Variants in EYS observed in about 807,000 individuals in gnomAD.
EYS encodes EGF-like photoreceptor maintenance factor.
A neutral mutation model predicts 282.1 loss-of-function variants in EYS; 250 were observed. The observed-to-expected ratio is 0.89, with a 90% CI of 0.80 to 0.98. The LOEUF (loss-of-function observed/expected upper bound fraction) is 0.98. EYS is among the 50% of genes least tolerant of loss of function. EYS has a pLI of 0.00. For missense variants in EYS, 4,016 were observed against 3,709.0 expected (o/e 1.08, Z -2.15); for synonymous variants, 1,355 against 1,282.9 (o/e 1.06, Z -1.20).
intron 26 of EYS, among the ~76,000 whole-genome samples, chr6:64,454,865 A>T (rs1340616306): frequency 6.6e-6 from 1 of 152,154 alleles, no homozygotes; most frequent in Non-Finnish European, 1.5e-5. Context: ...TCTCCCTTAT[A>T]TGACGACTTC....
chr6:63,983,996 A>G (rs1767229434), intron 35 of EYS, among the ~76,000 whole-genome samples: 1 of 151,564 alleles, frequency 6.6e-6, no homozygotes, highest in Non-Finnish European at 1.5e-5. Context: ...AGATGAGTAA[A>G]AAACAAATAT....
At chr6:64,907,299 C>T (rs1050947025) in intron 16 of EYS, among the ~76,000 whole-genome samples, 1 of 152,100 alleles carries the variant, frequency 6.6e-6, no homozygotes, top group African/African-American at 2.4e-5. Context: ...ATCCTCCTGC[C>T]TTAGTCTCCC....
chr6:64,573,321 CT>C (rs1324279887), intron 26 of EYS, among the ~76,000 whole-genome samples: 2 of 152,076 alleles, frequency 1.3e-5, no homozygotes, highest in African/African-American at 2.4e-5. Flanking sequence ...CATAAAAACC[CT>C]AGAAGAAAAC....
intron 12 of EYS, among the ~76,000 whole-genome samples, chr6:65,120,150 T>G (rs1581927102): frequency 1.4e-5 from 1 of 70,424 alleles, no homozygotes; most frequent in Admixed American, 1.4e-4. Flanking sequence ...AGACTCCGTC[T>G]CAAAAAAAAA....
intron 35 of EYS, among the ~76,000 whole-genome samples, chr6:63,943,211 T>C (rs1765294847): frequency 6.6e-6 from 1 of 152,140 alleles, no homozygotes; most frequent in Non-Finnish European, 1.5e-5. Flanking sequence ...ATTTGAACCA[T>C]ACAACAAAAA....
intron 40 of EYS, among the ~76,000 whole-genome samples, chr6:63,765,704 T>C (rs986247848): frequency 2.6e-5 from 4 of 152,054 alleles, no homozygotes; most frequent in East Asian, 1.9e-4. Flanking sequence ...TTATTGACTA[T>C]AGTCACCCTG....
rs187284749 is a variant in EYS, at chr6:64,791,399, G to T, written c.3443+21979C>A. On this transcript the variant is annotated intron_variant, in intron 22 of 42. Transcript: ENST00000503581. ...ACACTATATTATTCACACAGAAAGG[G>T]CATCAAGCACAATGTACCATAAAGC... 2.4e-3 allele frequency among the ~76,000 whole-genome samples: 365 copies of T among 151,798 alleles called. 2 individuals are homozygous for T. The highest frequency in any genetic ancestry group is 6.8e-3 in the Middle Eastern group (2 of 294).
At position 65,066,973 on chromosome 6, in the gene EYS, CATGGTCTTTTA is replaced by C. The variant is rs1198115964; in HGVS notation, c.2024-9257_2024-9247del. ...CTGAAACGACAGAGGAGAGAAAGGT[CATGGTCTTTTA>C]CTAATTCTACTTCTAATCAGCTTAG... On this transcript the variant is annotated intron_variant, in intron 12 of 42. Transcript: ENST00000503581. 2.6e-5 allele frequency among the ~76,000 whole-genome samples: 4 copies of C among 152,074 alleles called. No homozygotes were observed. The South Asian group carries it at 6.2e-4, about 24-fold the overall frequency.
intron 19 of EYS, among the ~76,000 whole-genome samples, chr6:64,827,668 A>G (rs1765098977): frequency 6.6e-6 from 1 of 151,900 alleles, no homozygotes; most frequent in South Asian, 2.1e-4. Flanking sequence ...ATTTCTAACC[A>G]TTTTGAATTA....
At chr6:64,434,008 C>T (rs563132423) in intron 28 of EYS, among the ~76,000 whole-genome samples, 2 of 152,040 alleles carry the variant, frequency 1.3e-5, no homozygotes, top group East Asian at 3.9e-4. Context: ...GATGCCCTAG[C>T]CATCAGTACC....
At chr6:64,465,775 T>A (rs927518212) in intron 26 of EYS, among the ~76,000 whole-genome samples, 2 of 151,798 alleles carry the variant, frequency 1.3e-5, no homozygotes, top group African/African-American at 4.8e-5. Context: ...ATTAAAAATC[T>A]TCTGCGTAGC....
chr6:64,823,683 C>T (rs1191447054), intron 19 of EYS, among the ~76,000 whole-genome samples: 4 of 151,982 alleles, frequency 2.6e-5, no homozygotes, highest in African/African-American at 9.7e-5. Flanking sequence ...AGGCAGATCT[C>T]ATTAACCTTA....
At position 63,855,393 on chromosome 6, in the gene EYS, T is replaced by A. The variant is rs565951325; in HGVS notation, c.7228+8793A>T. On this transcript the variant is annotated intron_variant, in intron 36 of 42. Transcript: ENST00000503581. ...GGTATCTTATCGCACTAGTGTACTG[T>A]GAAAAATACTTCTGGAAATATTTCA... is the stretch of plus-strand genomic sequence containing the variant. Among the ~76,000 whole-genome samples, 4 of 152,352 alleles carry A rather than the reference T, an allele frequency of 2.6e-5. No homozygotes were observed. In the South Asian group the frequency reaches 6.2e-4, roughly 24 times the overall value.
At chr6:63,815,316 G>T (rs547466513) in intron 36 of EYS, among the ~76,000 whole-genome samples, 4 of 152,160 alleles carry the variant, frequency 2.6e-5, no homozygotes, top group Admixed American at 6.6e-5. Flanking sequence ...AAGTCACAGA[G>T]CTAAGAAATG....
chr6:63,743,795 A>G (rs1769143222), intron 41 of EYS, among the ~76,000 whole-genome samples: 1 of 152,190 alleles, frequency 6.6e-6, no homozygotes, highest in Non-Finnish European at 1.5e-5. Context: ...AGCAAGCACA[A>G]TCTAAAAAGG....
chr6:65,619,709 T>C (rs1164485673), intron 2 of EYS, among the ~76,000 whole-genome samples: 1 of 151,502 alleles, frequency 6.6e-6, no homozygotes, highest in Non-Finnish European at 1.5e-5. Flanking sequence ...ATAGCTCTTA[T>C]TATTTTGAGA....
chr6:64,750,652 T>C (rs1346372983), intron 22 of EYS, among the ~76,000 whole-genome samples: 1 of 152,170 alleles, frequency 6.6e-6, no homozygotes, highest in Admixed American at 6.5e-5. Context: ...TTATTTAAAT[T>C]TACATTTTAG....
intron 1 of EYS, among the ~76,000 whole-genome samples, chr6:65,691,830 A>G (rs984327464): frequency 8.6e-5 from 13 of 150,394 alleles, no homozygotes; most frequent in Non-Finnish European, 1.8e-4. Context: ...ACCATTTATT[A>G]AATAGGGAAC....
chr6:64,920,075 ATT>A (rs577968748), intron 15 of EYS, among the ~76,000 whole-genome samples: 1 of 145,220 alleles, frequency 6.9e-6, no homozygotes. Flanking sequence ...GATTAGTTTC[ATT>A]TTTTTTTTTT....
Sources: allele counts gnomAD v4.1 joint callset (sites outside exome capture counted in the v4.1 genomes callset), GRCh38; gene constraint gnomAD v4.1.1; transcripts MANE v1.5; gene names NCBI Gene and HGNC (gene_info 2026-07-23, HGNC 2026-07-21).